The following SPECC1 variants were observed in gnomAD, a reference collection of about 807,000 sequenced individuals.
SPECC1 encodes sperm antigen with calponin homology and coiled-coil domains 1.
SPECC1 carries 62 observed loss-of-function variants against 104.1 expected under a neutral mutation model. The ratio of observed to expected loss-of-function variants is 0.60; its 90% CI spans 0.49 to 0.74. The LOEUF (loss-of-function observed/expected upper bound fraction) is 0.74, where lower values mean the gene tolerates loss of function less well. Ranked by LOEUF, SPECC1 falls within the 30% of genes least tolerant of loss-of-function variation. The pLI is 0.00. For missense variants in SPECC1, 1,306 were observed against 1,310.5 expected (o/e 1.00, Z 0.05); for synonymous variants, 513 against 501.6 (o/e 1.02, Z -0.30).
intron 3 of SPECC1, among the ~76,000 whole-genome samples, chr17:20,161,696 G>GT (rs2033166317): frequency 6.6e-6 from 1 of 152,010 alleles, no homozygotes; most frequent in Non-Finnish European, 1.5e-5. Context: ...CTGTTACTCA[G>GT]TTTCTGTCTT....
intron 3 of SPECC1, among the ~76,000 whole-genome samples, chr17:20,189,836 C>CA (rs977654970): frequency 2.0e-5 from 3 of 151,820 alleles, no homozygotes; most frequent in Admixed American, 6.6e-5. Flanking sequence ...GCATTCTTCC[C>CA]AAAAAAAGTA....
intron 7 of SPECC1, among the ~76,000 whole-genome samples, chr17:20,234,345 T>C (rs1357942650): frequency 6.6e-6 from 1 of 152,236 alleles, no homozygotes; most frequent in Non-Finnish European, 1.5e-5. Flanking sequence ...TCAGTGCATT[T>C]GGCAGGAAGT....
intron 9 of SPECC1, among the ~76,000 whole-genome samples, chr17:20,252,060 T>A (rs1014369138): frequency 3.9e-5 from 6 of 152,100 alleles, no homozygotes; most frequent in Non-Finnish European, 7.4e-5. Context: ...AACAATATAA[T>A]GCTATGATAA....
chr17:20,026,809 G>A (rs562616921), intron 1 of SPECC1, among the ~76,000 whole-genome samples: 16 of 152,218 alleles, frequency 1.1e-4, no homozygotes, highest in African/African-American at 3.6e-4. Context: ...CAGTAGTAGG[G>A]TTGCTGGATC....
chr17:20,230,868 G>C (rs1247190693), intron 5 of SPECC1, among the ~76,000 whole-genome samples: 1 of 152,194 alleles, frequency 6.6e-6, no homozygotes, highest in Non-Finnish European at 1.5e-5. Flanking sequence ...GTTTTCTACT[G>C]TGCAGCATTG....
At chr17:20,042,827 C>T (rs1314459350) in intron 1 of SPECC1, among the ~76,000 whole-genome samples, 1 of 152,070 alleles carries the variant, frequency 6.6e-6, no homozygotes, top group Non-Finnish European at 1.5e-5. Context: ...CCCAGTGAAC[C>T]CATCACTGGG....
rs1235732974 is a variant in SPECC1 at position 20,178,355 on chromosome 17, G to A, written c.284-25978G>A. Among the ~76,000 whole-genome samples the A allele has an allele frequency of 2.0e-5, 3 of 152,236 alleles. No individual in the cohort carries two copies. In the East Asian group the frequency reaches 5.8e-4, roughly 29 times the overall value. On this transcript the variant is annotated intron_variant, in intron 3 of 14. Coordinates refer to ENST00000395527, the MANE Select transcript of SPECC1 (RefSeq NM_001243439.2). ...CCAGTGTGCCCTTTCATTTACTCCT[G>A]GGCTCTAGAGTGGAAACTTCTGTGT...
chr17:20,017,392 G>C (rs997269270), intron 1 of SPECC1: 2 of 153,150 alleles, frequency 1.3e-5, no homozygotes, highest in African/African-American at 2.4e-5. Context: ...CTTCACTCCT[G>C]AGTCAGCGAG....
chr17:20,090,390 A>G (rs751376712), intron 1 of SPECC1, among the ~76,000 whole-genome samples: 2 of 152,066 alleles, frequency 1.3e-5, no homozygotes, highest in Non-Finnish European at 2.9e-5. Flanking sequence ...ACACCTTTGT[A>G]AACACTTCCT....
chr17:20,048,424 C>A (rs997789648), intron 1 of SPECC1, among the ~76,000 whole-genome samples: 1 of 151,830 alleles, frequency 6.6e-6, no homozygotes, highest in African/African-American at 2.4e-5. Context: ...TGAGCCACTG[C>A]GCCCAGCCGA....
chr17:20,276,141 G>T (rs1003413892), intron 12 of SPECC1, among the ~76,000 whole-genome samples: 2 of 151,804 alleles, frequency 1.3e-5, no homozygotes, highest in African/African-American at 4.8e-5. Flanking sequence ...CCCAGAGTTG[G>T]AGTCTTGCTC....
intron 3 of SPECC1, among the ~76,000 whole-genome samples, chr17:20,144,047 A>G (rs552729346): frequency 1.3e-5 from 2 of 152,292 alleles, no homozygotes; most frequent in African/African-American, 4.8e-5. Context: ...GTTCACTGAG[A>G]GTCCTCGCTT....
At chr17:20,230,263 A>T (rs1418938818) in intron 5 of SPECC1, among the ~76,000 whole-genome samples, 1 of 152,226 alleles carries the variant, frequency 6.6e-6, no homozygotes, top group Non-Finnish European at 1.5e-5. Flanking sequence ...ACTCTCTGCA[A>T]CTACCATGAT....
chr17:20,065,387 C>T (rs527665769), intron 1 of SPECC1, among the ~76,000 whole-genome samples: 4 of 105,888 alleles, frequency 3.8e-5, no homozygotes, highest in African/African-American at 1.1e-4. Flanking sequence ...TTGGGGTTCC[C>T]ATGACTCCTC....
intron 12 of SPECC1, among the ~76,000 whole-genome samples, chr17:20,289,024 C>T (rs1320172411): frequency 6.6e-6 from 1 of 151,992 alleles, no homozygotes; most frequent in East Asian, 1.9e-4. Context: ...ACCTCGTGAT[C>T]CACCCATCTC....
chr17:20,265,211 A>G (rs2040178801), intron 12 of SPECC1, among the ~76,000 whole-genome samples: 1 of 152,154 alleles, frequency 6.6e-6, no homozygotes, highest in Non-Finnish European at 1.5e-5. Context: ...GGGCTGAACT[A>G]ATTTTATTCC....
intron 12 of SPECC1, among the ~76,000 whole-genome samples, chr17:20,276,680 G>A (rs148876734): frequency 3.3e-5 from 5 of 152,206 alleles, no homozygotes; most frequent in African/African-American, 1.2e-4. Context: ...GAAAAACCCA[G>A]GCCTGAGACT....
intron 1 of SPECC1, among the ~76,000 whole-genome samples, chr17:20,090,889 C>T (rs1156990106): frequency 6.6e-6 from 1 of 152,154 alleles, no homozygotes; most frequent in South Asian, 2.1e-4. Flanking sequence ...TTCCAGATTA[C>T]ACCCTATTCC....
chr17:20,067,181 CT>C, intron 1 of SPECC1: 1 of 151,562 alleles, frequency 6.6e-6, no homozygotes, highest in Non-Finnish European at 1.5e-5. Context: ...TTTCTTTTTT[CT>C]TTTTTTTGGA....
Sources: allele counts gnomAD v4.1 joint callset (sites outside exome capture counted in the v4.1 genomes callset), GRCh38; gene constraint gnomAD v4.1.1; transcripts MANE v1.5; gene names NCBI Gene and HGNC (gene_info 2026-07-23, HGNC 2026-07-21).